Variants in CPNE2 observed in about 807,000 individuals in gnomAD.
CPNE2 encodes copine-2.
Under a neutral mutation model 69.7 loss-of-function variants are expected in CPNE2, and 42 were observed. The ratio of observed to expected loss-of-function variants is 0.60; its 90% CI spans 0.47 to 0.78. The LOEUF (loss-of-function observed/expected upper bound fraction) is 0.78. Ranked by LOEUF, CPNE2 falls within the 30% of genes least tolerant of loss-of-function variation. CPNE2 has a pLI of 0.00. For missense variants in CPNE2, 587 were observed against 732.0 expected (o/e 0.80, Z 2.29); for synonymous variants, 294 against 289.8 (o/e 1.01, Z -0.15).
Position 57,146,063 on chromosome 16 carries a change from C to T in CPNE2, c.1303-22C>T. On this transcript the variant is annotated intron_variant, in intron 14 of 15. Coordinates refer to ENST00000290776, the MANE Select transcript of CPNE2 (RefSeq NM_152727.6). The surrounding 1 kb of genome is among the most constrained non-coding windows in gnomAD (Gnocchi z 4.4). Reference sequence around the variant, plus strand: ...CCAGAGCCTCGACCTTGCTGAGTGCCCCGTTGGCCCCCTCCCTGCAGCAGT... The same window carrying T: ...CCAGAGCCTCGACCTTGCTGAGTGCTCCGTTGGCCCCCTCCCTGCAGCAGT... 6.3e-7 allele frequency: 1 copy of T among 1,589,886 alleles called. No individual in the cohort carries two copies. Among genetic ancestry groups the T allele is most frequent in the Non-Finnish European group, 8.6e-7 (1 of 1,164,480 alleles).
intron 4 of CPNE2, among the ~76,000 whole-genome samples, chr16:57,116,334 C>A (rs558961070): frequency 6.6e-6 from 1 of 152,246 alleles, no homozygotes; most frequent in South Asian, 2.1e-4. Context: ...TTCCTGCCCC[C>A]ACGGATCACC....
At chr16:57,097,044 T>C (rs757086051) in intron 1 of CPNE2, among the ~76,000 whole-genome samples, 10 of 152,124 alleles carry the variant, frequency 6.6e-5, no homozygotes, top group Non-Finnish European at 1.5e-4. Flanking sequence ...TTCAAAAATA[T>C]TCACTGAGTA....
chr16:57,115,951 T>A (rs1473647789), intron 4 of CPNE2, among the ~76,000 whole-genome samples: 1 of 152,198 alleles, frequency 6.6e-6, no homozygotes, highest in East Asian at 1.9e-4. Context: ...AGCTCCTTGG[T>A]CTTCAAAGAC....
At chr16:57,147,487 C>T in intron 15 of CPNE2, 64 bp from the exon 16 acceptor site, 1 of 1,252,648 alleles carries the variant, frequency 8.0e-7, no homozygotes, top group Non-Finnish European at 1.1e-6. Flanking sequence ...TAGTGCCGCT[C>T]ACAACTTCCG....
chr16:57,122,023 C>A (rs559632489), intron 9 of CPNE2, among the ~76,000 whole-genome samples: 1 of 152,260 alleles, frequency 6.6e-6, no homozygotes, highest in Admixed American at 6.5e-5. Context: ...CACGAGCTGA[C>A]CTTCCAGGGC....
Position 57,117,498 on chromosome 16 carries a change from C to A in CPNE2, c.438C>A (p.Ile146=), listed in dbSNP as rs150759865. ...CCCCTCATGTCCCGGCCTTACAGAT[C>A]GCTGCCCAGGAGCTGTCCGACAACC... The part of the protein sequence containing the change: ...DKPAGKGLIT[I]AAQELSDNRV... Residue 146 remains isoleucine (I), a splice_region_variant and synonymous_variant, in exon 5 of 16, where the codon ATC becomes ATA. Transcript: ENST00000290776. 74 of 1,613,280 alleles carry A rather than the reference C, an allele frequency of 4.6e-5. No individual in the cohort carries two copies. The highest frequency in any genetic ancestry group is 5.8e-5 in the Non-Finnish European group (69 of 1,179,746).
intron 12 of CPNE2, 61 bp downstream of exon 12, chr16:57,127,964 C>G (rs1278739819): frequency 3.7e-5 from 56 of 1,515,294 alleles, no homozygotes; most frequent in Non-Finnish European, 5.1e-5. Flanking sequence ...TGTGGCCTCT[C>G]GGGGATCAGC....
intron 4 of CPNE2, among the ~76,000 whole-genome samples, chr16:57,115,894 G>A (rs764807895): frequency 2.0e-5 from 3 of 152,244 alleles, no homozygotes; most frequent in Non-Finnish European, 4.4e-5. Context: ...CGACTCCCGC[G>A]ATGCGCAGTA....
At chr16:57,115,671 T>C in intron 4 of CPNE2, 121 bp downstream of exon 4, 1 of 653,190 alleles carries the variant, frequency 1.5e-6, no homozygotes, top group Non-Finnish European at 2.5e-6. Flanking sequence ...AGGCCCAACT[T>C]ACAACTTAGC....
chr16:57,123,390 AC>A, intron 9 of CPNE2, 23 bp from the exon 10 acceptor site: 1 of 1,611,436 alleles, frequency 6.2e-7, no homozygotes, highest in African/African-American at 1.3e-5. Flanking sequence ...AAGGGGACCC[AC>A]TGACTCATCC....
At chr16:57,102,391 G>A (rs2145236209) in intron 1 of CPNE2, among the ~76,000 whole-genome samples, 1 of 152,202 alleles carries the variant, frequency 6.6e-6, no homozygotes, top group South Asian at 2.1e-4. Context: ...GGTGCAGAAG[G>A]ACTTGGAGGC....
chr16:57,124,436 G>C, intron 10 of CPNE2: 1 of 453,574 alleles, frequency 2.2e-6, no homozygotes, highest in Non-Finnish European at 4.4e-6. Context: ...ATATGCATTT[G>C]TCGCTTCTCC....
chr16:57,138,997 G>A (rs947577230), intron 14 of CPNE2, among the ~76,000 whole-genome samples: 19 of 152,204 alleles, frequency 1.2e-4, no homozygotes, highest in Admixed American at 5.2e-4. Context: ...CACCTTGCCT[G>A]CTGCCTAGAA....
rs201404596 is a variant in CPNE2, at chr16:57,147,538, C to T, written c.1540-13C>T. 1.9e-6 allele frequency: 3 copies of T among 1,574,222 alleles called. No homozygotes were observed. The highest frequency in any genetic ancestry group is 1.7e-4 in the Middle Eastern group (1 of 5,886). ...TCTCTCTCTTCCCCACCCCACCCTC[C>T]TCCACCCTGCAGGCAGCAAAAGAGA... On this transcript the variant is annotated splice_polypyrimidine_tract_variant and intron_variant, in intron 15 of 15. Transcript: ENST00000290776.
intron 1 of CPNE2, among the ~76,000 whole-genome samples, chr16:57,103,807 C>G (rs2069631436): frequency 6.6e-6 from 1 of 152,216 alleles, no homozygotes; most frequent in Non-Finnish European, 1.5e-5. Flanking sequence ...GCTACTTTCT[C>G]CTCACAGCCA....
intron 1 of CPNE2, among the ~76,000 whole-genome samples, chr16:57,102,954 A>G (rs979991502): frequency 2.6e-5 from 4 of 151,854 alleles, no homozygotes; most frequent in Admixed American, 2.6e-4. Context: ...AACTTTACAC[A>G]TCCCCCAAAT....
chr16:57,098,315 G>A (rs546193175), intron 1 of CPNE2, among the ~76,000 whole-genome samples: 251 of 152,322 alleles, frequency 1.6e-3, no homozygotes, highest in African/African-American at 5.6e-3. Flanking sequence ...GGTGTCTTTG[G>A]AGCACAGCAG....
At chr16:57,119,330 C>T in intron 6 of CPNE2, 52 bp downstream of exon 6, 1 of 1,559,670 alleles carries the variant, frequency 6.4e-7, no homozygotes, top group Non-Finnish European at 8.8e-7. Context: ...GCAGTCCAGC[C>T]CCTCCACAGC....
chr16:57,125,225 C>T (rs2069791725), intron 10 of CPNE2: 1 of 452,896 alleles, frequency 2.2e-6, no homozygotes, highest in Non-Finnish European at 4.4e-6. Flanking sequence ...CCTGCCTGCC[C>T]ATCAGCCCCG....
Sources: allele counts gnomAD v4.1 joint callset (sites outside exome capture counted in the v4.1 genomes callset), GRCh38; gene constraint gnomAD v4.1.1; non-coding constraint Gnocchi (gnomAD v3.1); transcripts MANE v1.5; gene names NCBI Gene and HGNC (gene_info 2026-07-23, HGNC 2026-07-21).